The following SKAP2 variants were observed in gnomAD, a reference collection of about 807,000 sequenced individuals.
The protein encoded by SKAP2 is src kinase-associated phosphoprotein 2.
SKAP2 carries 28 observed loss-of-function variants against 54.9 expected under a neutral mutation model. That is an observed-to-expected ratio of 0.51 (90% confidence interval 0.38 to 0.70). The LOEUF is 0.70. Among genes scored for constraint, SKAP2 ranks in the 30% least tolerant of loss-of-function variants. The probability of loss-of-function intolerance (pLI) is 0.00; values close to 1 mark genes in which losing one functional copy is unlikely to be tolerated. For synonymous variants in SKAP2, 137 were observed against 134.3 expected (o/e 1.02, Z -0.14); for missense variants, 356 against 424.1 (o/e 0.84, Z 1.41).
intron 9 of SKAP2, among the ~76,000 whole-genome samples, chr7:26,699,989 T>A (rs1469855234): frequency 6.6e-6 from 1 of 152,216 alleles, no homozygotes; most frequent in Non-Finnish European, 1.5e-5. Flanking sequence ...TTTCCTTTCT[T>A]GTACTTGTGC....
intron 4 of SKAP2, among the ~76,000 whole-genome samples, chr7:26,841,372 A>G (rs1322662144): frequency 6.6e-6 from 1 of 152,010 alleles, no homozygotes; most frequent in African/African-American, 2.4e-5. Flanking sequence ...GGCTGAAAAC[A>G]ACGTACCTGG....
At chr7:26,665,992 T>TACACAC (rs57804557), downstream of SKAP2, among the ~76,000 whole-genome samples, 230 of 149,722 alleles carry the variant, frequency 1.5e-3, 1 homozygote, top group African/African-American at 5.3e-3. Flanking sequence ...ATATACAGTG[T>TACACAC]ACACACACAC....
rs369206020 is a variant in SKAP2, at chr7:26,864,377, C to A, written c.53G>T (p.Arg18Met). 122 of 1,613,464 alleles carry A rather than the reference C, an allele frequency of 7.6e-5. No individual in the cohort carries two copies. Among genetic ancestry groups the A allele is most frequent in the Non-Finnish European group, 9.7e-5 (114 of 1,179,740 alleles). ...SSPYPLPEEI[R>M]NLLADVETFV... ...CCGCTCTTTACCTGCCAACAGGTTCCTAATTTCCTCAGGGAGGGGGTAGGG... is the reference window on the plus strand; with the variant it reads ...CCGCTCTTTACCTGCCAACAGGTTCATAATTTCCTCAGGGAGGGGGTAGGG... Residue 18 changes from arginine (R) to methionine (M), a missense_variant, in exon 1 of 13, where the codon AGG becomes ATG. By Grantham distance (91) the Arg-to-Met change is moderately conservative (BLOSUM62 -1). Transcript: ENST00000345317.
chr7:26,710,840 T>G (rs911392692), intron 9 of SKAP2, among the ~76,000 whole-genome samples: 1 of 152,052 alleles, frequency 6.6e-6, no homozygotes, highest in Non-Finnish European at 1.5e-5. Flanking sequence ...ATAAAGGAGG[T>G]TTTGAATTCT....
rs556442905 is a variant in SKAP2, at chr7:26,855,721, A to G, written c.68-831T>C. 2.0e-5 allele frequency among the ~76,000 whole-genome samples: 3 copies of G among 152,186 alleles called. No homozygotes were observed. The South Asian group carries it at 6.2e-4, about 32-fold the overall frequency. ...TGGGTCTCTCTAGTGTAAAATTCCA[A>G]CAAGTCCTTACAGGTTTAATTTTTA... On this transcript the variant is annotated intron_variant, in intron 1 of 12. Transcript: ENST00000345317.
rs550261209 is a variant in SKAP2 at position 26,757,169 on chromosome 7, G to T, written c.308-17205C>A. Among the ~76,000 whole-genome samples the T allele has an allele frequency of 1.7e-3, 261 of 152,162 alleles. 1 individual carries two copies. The highest frequency in any genetic ancestry group is 6.8e-3 in the Middle Eastern group (2 of 294). On this transcript the variant is annotated intron_variant, in intron 4 of 12. Coordinates refer to ENST00000345317, the MANE Select transcript of SKAP2 (RefSeq NM_003930.5). Reference sequence around the variant, plus strand: ...TTTCTTTTGCTGTGCAGAAGCTCTTGAGTTTAATTAGATCCCATTTGTCAA... The same window carrying T: ...TTTCTTTTGCTGTGCAGAAGCTCTTTAGTTTAATTAGATCCCATTTGTCAA...
At chr7:26,825,762 T>C (rs1430980243) in intron 4 of SKAP2, among the ~76,000 whole-genome samples, 1 of 152,186 alleles carries the variant, frequency 6.6e-6, no homozygotes, top group Non-Finnish European at 1.5e-5. Flanking sequence ...ATTCAAAATT[T>C]AGCATGCTAA....
At chr7:26,739,005 G>A in intron 5 of SKAP2, 127 bp from the exon 6 acceptor site, 3 of 655,444 alleles carry the variant, frequency 4.6e-6, no homozygotes, top group Non-Finnish European at 8.0e-6. Context: ...TTTTCCAAGA[G>A]ACAAAAAACC....
intron 9 of SKAP2, among the ~76,000 whole-genome samples, chr7:26,692,263 T>C (rs1786802314): frequency 6.6e-6 from 1 of 152,080 alleles, no homozygotes; most frequent in Non-Finnish European, 1.5e-5. Flanking sequence ...GGACATATTA[T>C]TACTAAAAGG....
rs560178646 is a variant in SKAP2, at chr7:26,732,317, A to C, written c.470-5311T>G. Among the ~76,000 whole-genome samples the C allele has an allele frequency of 5.9e-5, 9 of 152,322 alleles. No individual in the cohort carries two copies. The South Asian group carries it at 1.7e-3, about 28-fold the overall frequency. Reference sequence around the variant, plus strand: ...CTGGCTTGGCAAGGCCCAAGCCAGCAGTGTGTCCCAATAAGATTTTTCATG... The same window carrying C: ...CTGGCTTGGCAAGGCCCAAGCCAGCCGTGTGTCCCAATAAGATTTTTCATG... On this transcript the variant is annotated intron_variant, in intron 6 of 12. Transcript: ENST00000345317.
Position 26,856,407 on chromosome 7 carries a change from G to A in SKAP2, c.68-1517C>T, listed in dbSNP as rs185742215. Among the ~76,000 whole-genome samples the A allele has an allele frequency of 2.8e-3, 421 of 151,908 alleles. 4 individuals are homozygous for A. The highest frequency in any genetic ancestry group is 3.4e-3 in the Non-Finnish European group (229 of 67,958). On this transcript the variant is annotated intron_variant, in intron 1 of 12. Transcript: ENST00000345317. ...TTAACAACTAATGTGTTAAAAAAAA[G>A]TATGAAAATGAAATGAAAGCAAATG...
chr7:26,862,877 T>A (rs1189900566), intron 1 of SKAP2, among the ~76,000 whole-genome samples: 1 of 152,140 alleles, frequency 6.6e-6, no homozygotes, highest in African/African-American at 2.4e-5. Flanking sequence ...AATGGTTTCA[T>A]CTATTTTTGG....
chr7:26,744,170 A>T (rs182653435), intron 4 of SKAP2, among the ~76,000 whole-genome samples: 1 of 152,222 alleles, frequency 6.6e-6, no homozygotes, highest in East Asian at 1.9e-4. Context: ...TGAATCTAGG[A>T]TGAAAAACAC....
chr7:26,691,188 C>T (rs1786772394), intron 9 of SKAP2, among the ~76,000 whole-genome samples: 1 of 152,164 alleles, frequency 6.6e-6, no homozygotes, highest in African/African-American at 2.4e-5. Context: ...GCTCCATTTA[C>T]ATTTGTTCCA....
chr7:26,859,419 G>T (rs1368929961), intron 1 of SKAP2, among the ~76,000 whole-genome samples: 1 of 152,206 alleles, frequency 6.6e-6, no homozygotes, highest in Admixed American at 6.5e-5. Flanking sequence ...TAATTGAAAA[G>T]TTATTGATTG....
chr7:26,780,529 T>C (rs570814898), intron 4 of SKAP2, among the ~76,000 whole-genome samples: 31 of 152,224 alleles, frequency 2.0e-4, no homozygotes, highest in African/African-American at 6.7e-4. Context: ...ATGAGCATGA[T>C]TGTGTCCCAA....
rs78773013 is a variant in SKAP2 at position 26,740,707 on chromosome 7, C to T, written c.308-743G>A. Among the ~76,000 whole-genome samples the T allele has an allele frequency of 5.7e-3, 873 of 152,194 alleles. 10 individuals carry two copies. The highest frequency in any genetic ancestry group is 0.019 in the African/African-American group (799 of 41,532). Reference sequence around the variant, plus strand: ...CATTAGAAATATAATAGTTATCTGCCGGGCGCAGTGGCTCACGCTTGTAAT... The same window carrying T: ...CATTAGAAATATAATAGTTATCTGCTGGGCGCAGTGGCTCACGCTTGTAAT... On this transcript the variant is annotated intron_variant, in intron 4 of 12. Coordinates refer to ENST00000345317, the MANE Select transcript of SKAP2 (RefSeq NM_003930.5).
intron 6 of SKAP2, among the ~76,000 whole-genome samples, chr7:26,738,278 CA>C (rs1177471313): frequency 6.6e-6 from 1 of 152,184 alleles, no homozygotes; most frequent in African/African-American, 2.4e-5. Flanking sequence ...AACAAGTTAA[CA>C]TAGCTAACGT....
intron 9 of SKAP2, among the ~76,000 whole-genome samples, chr7:26,719,117 G>A (rs931574417): frequency 4.6e-5 from 7 of 152,144 alleles, no homozygotes; most frequent in African/African-American, 1.7e-4. Context: ...TGAAGCTGCA[G>A]TGAGCCATGA....
Sources: gnomAD v4.1 joint callset for allele counts (sites outside exome capture counted in the v4.1 genomes callset) on GRCh38, gnomAD v4.1.1 for gene constraint, MANE v1.5 for transcripts, NCBI Gene and HGNC (gene_info 2026-07-23, HGNC 2026-07-21) for gene names.